The following MRPS18A variants were observed in gnomAD, a reference collection of about 807,000 sequenced individuals.
The protein encoded by MRPS18A is large ribosomal subunit protein mL66.
MRPS18A carries 20 observed loss-of-function variants against 22.7 expected under a neutral mutation model. The observed-to-expected ratio is 0.88, with a 90% CI of 0.62 to 1.28. The LOEUF is 1.28. Ranked by LOEUF, MRPS18A falls within the 50% of genes most tolerant of loss-of-function variation. The pLI, the probability that MRPS18A is intolerant of heterozygous loss-of-function variation, is 0.00. For missense variants in MRPS18A, 294 were observed against 262.6 expected (o/e 1.12, Z -0.83); for synonymous variants, 106 against 99.1 (o/e 1.07, Z -0.41).
chr6:43,675,225 C>CG lies in MRPS18A; in HGVS notation c.422dup (p.Lys142GlufsTer121). On this transcript the variant is annotated frameshift_variant, in exon 5 of 6. Coordinates refer to ENST00000372133, the MANE Select transcript of MRPS18A (RefSeq NM_018135.4). LOFTEE classifies it high-confidence loss of function. ...ACCGGTTGAGTTGGGGTTTGCTCTT[C>CG]GGAACAACTCCTTCAGGAAGCCGAG... 6.6e-7 allele frequency: 1 copy of CG among 1,521,590 alleles called. No homozygotes were observed. Among genetic ancestry groups the CG allele is most frequent in the Non-Finnish European group, 8.8e-7 (1 of 1,135,986 alleles). 94.3% of individuals were successfully genotyped at this position (1,521,590 alleles called of 1,614,324 possible).
chr6:43,676,787 C>T (rs772064958), intron 3 of MRPS18A, among the ~76,000 whole-genome samples: 3 of 152,228 alleles, frequency 2.0e-5, no homozygotes, highest in Admixed American at 6.5e-5. Flanking sequence ...CCCTGGCAGG[C>T]GCCTTGCTGC....
At chr6:43,685,158 T>C (rs923628841) in intron 1 of MRPS18A, among the ~76,000 whole-genome samples, 1 of 152,226 alleles carries the variant, frequency 6.6e-6, no homozygotes, top group African/African-American at 2.4e-5. Flanking sequence ...TGGAACGGCA[T>C]TTCCTCATTT....
chr6:43,684,716 T>C (rs1469617460), intron 1 of MRPS18A, among the ~76,000 whole-genome samples: 3 of 152,170 alleles, frequency 2.0e-5, no homozygotes. Flanking sequence ...AGGCATACCC[T>C]TGTCTGAAAC....
At position 43,687,743 on chromosome 6, in the gene MRPS18A, G is replaced by A. The variant is rs1338765700; in HGVS notation, c.37C>T (p.Arg13Trp). The A allele has an allele frequency of 1.9e-6, 3 of 1,585,734 alleles. No homozygotes were observed. The highest frequency in any genetic ancestry group is 1.3e-5 in the African/African-American group (1 of 74,658). Reference sequence around the variant, plus strand: ...CCCGCTAGTAGCCCACGGAGAAGCCGCCCACAGCCGGACACCAGAGCCTTG... The same window carrying A: ...CCCGCTAGTAGCCCACGGAGAAGCCACCCACAGCCGGACACCAGAGCCTTG... ...ALKALVSGCGRLLRGLLAGPA... is the reference protein window; with the variant it reads ...ALKALVSGCGWLLRGLLAGPA... The change falls in exon 1 of 6, where the codon CGG becomes TGG. Residue 13 changes from arginine to tryptophan, a missense_variant. By Grantham distance (101) the Arg-to-Trp change is moderately radical. Transcript: ENST00000372133.
chr6:43,685,467 C>G (rs1399331787), intron 1 of MRPS18A, among the ~76,000 whole-genome samples: 1 of 152,158 alleles, frequency 6.6e-6, no homozygotes, highest in Non-Finnish European at 1.5e-5. Context: ...CGCCTCTACC[C>G]CCCAGATGCC....
At chr6:43,678,705 G>A (rs1774210265) in intron 2 of MRPS18A, 80 bp from the exon 3 acceptor site, 1 of 1,009,640 alleles carries the variant, frequency 9.9e-7, no homozygotes, top group East Asian at 2.6e-5. Context: ...ACCCCAAAAT[G>A]ATGGTAATGC....
intron 2 of MRPS18A, among the ~76,000 whole-genome samples, chr6:43,680,790 T>A (rs1774356560): frequency 6.6e-6 from 1 of 152,202 alleles, no homozygotes; most frequent in Non-Finnish European, 1.5e-5. Context: ...TAGTTTCCCC[T>A]TTGGGAAAAT....
intron 1 of MRPS18A, among the ~76,000 whole-genome samples, chr6:43,687,432 A>C (rs1774772700): frequency 6.6e-6 from 1 of 152,208 alleles, no homozygotes; most frequent in Non-Finnish European, 1.5e-5. Flanking sequence ...GCTCCTGCTA[A>C]GTAAGCAGGC....
rs754419686 is a variant in MRPS18A, at chr6:43,687,753, G to A, written c.27C>T (p.Ser9=). The change falls in exon 1 of 6, where the codon TCC becomes TCT. Residue 9 remains serine, a synonymous_variant. Transcript: ENST00000372133. ...GCCCACGGAGAAGCCGCCCACAGCC[G>A]GACACCAGAGCCTTGAGGGCCGCCA... is the stretch of plus-strand genomic sequence containing the variant. MAALKALV[S]GCGRLLRGLL... is the part of the protein sequence containing the mutation. 1.3e-6 allele frequency: 2 copies of A among 1,583,048 alleles called. No homozygotes were observed. The highest frequency in any genetic ancestry group is 1.7e-6 in the Non-Finnish European group (2 of 1,164,518).
At chr6:43,675,936 C>T (rs1197119987) in intron 3 of MRPS18A, among the ~76,000 whole-genome samples, 2 of 151,958 alleles carry the variant, frequency 1.3e-5, no homozygotes, top group African/African-American at 4.8e-5. Context: ...TCACTGCAAT[C>T]TCTGCCTCCC....
chr6:43,686,995 G>A (rs1774741037), intron 1 of MRPS18A, among the ~76,000 whole-genome samples: 1 of 152,142 alleles, frequency 6.6e-6, no homozygotes, highest in African/African-American at 2.4e-5. Context: ...TAGAACCTAA[G>A]CTTTTCAGAA....
chr6:43,678,488 A>C, intron 3 of MRPS18A, 30 bp downstream of exon 3: 1 of 1,516,090 alleles, frequency 6.6e-7, no homozygotes, highest in Non-Finnish European at 9.2e-7. Flanking sequence ...CATGACACAC[A>C]GAACCGAGTG....
chr6:43,678,704 T>C, intron 2 of MRPS18A, 79 bp from the exon 3 acceptor site: 2 of 1,006,626 alleles, frequency 2.0e-6, no homozygotes, highest in Non-Finnish European at 3.1e-6. Context: ...AACCCCAAAA[T>C]GATGGTAATG....
In MRPS18A at chr6:43,687,765, C is replaced by G. The variant is rs1774805641; in HGVS notation, c.15G>C (p.Lys5Asn). MAAL[K>N]ALVSGCGRLL... ...GCCGCCCACAGCCGGACACCAGAGC[C>G]TTGAGGGCCGCCATCTTCAAAAACC... Residue 5 changes from lysine (K) to asparagine (N), a missense_variant, in exon 1 of 6, where the codon AAG (lysine) becomes AAC (asparagine). Transcript: ENST00000372133. 1 of 1,577,940 alleles carries G rather than the reference C, an allele frequency of 6.3e-7. No individual in the cohort carries two copies. The highest frequency in any genetic ancestry group is 1.2e-5 in the South Asian group (1 of 86,348).
At position 43,671,772 on chromosome 6, in the gene MRPS18A, A is replaced by T; in HGVS notation, c.581T>A (p.Leu194Gln). The change falls in exon 6 of 6, where the codon CTG (leucine) becomes CAG (glutamine). Residue 194 changes from leucine to glutamine, a missense_variant. Leu to Gln is a moderately radical substitution (Grantham distance 113). Coordinates refer to ENST00000372133, the MANE Select transcript of MRPS18A (RefSeq NM_018135.4). ...AAGCACTGCTCTCTGTCAGTGATAC[A>T]GCTTCCAAGGTGTTCTTGAGTAGCA... ...NVCYSRTPWK[L>Q]YH 4.3e-6 allele frequency: 7 copies of T among 1,614,226 alleles called. No homozygotes were observed. Among genetic ancestry groups the T allele is most frequent in the Non-Finnish European group, 5.9e-6 (7 of 1,180,034 alleles).
At position 43,671,533 on chromosome 6, in the gene MRPS18A, G is replaced by A; in HGVS notation, c.*229C>T. ...CACTGAGCATGGCCTAAGCCCCATA[G>A]CAGCTGGCAAGGGACCCAACTGCCC... On this transcript the variant is annotated 3_prime_UTR_variant, in exon 6 of 6. Coordinates refer to ENST00000372133, the MANE Select transcript of MRPS18A (RefSeq NM_018135.4). 3.4e-6 allele frequency: 2 copies of A among 582,922 alleles called. No individual in the cohort carries two copies. Among genetic ancestry groups the A allele is most frequent in the Non-Finnish European group, 6.1e-6 (2 of 328,154 alleles). The allele number at this position is 582,922 out of a possible 1,614,324, so 36.1% of individuals were successfully genotyped here.
At chr6:43,674,496 G>A (rs1773939382) in intron 5 of MRPS18A, among the ~76,000 whole-genome samples, 1 of 152,154 alleles carries the variant, frequency 6.6e-6, no homozygotes, top group South Asian at 2.1e-4. Flanking sequence ...CTCAACAAGG[G>A]GATACTAGAG....
intron 1 of MRPS18A, among the ~76,000 whole-genome samples, chr6:43,683,767 T>C (rs752877360): frequency 3.9e-5 from 6 of 152,224 alleles, no homozygotes; most frequent in Non-Finnish European, 5.9e-5. Context: ...TGGGCACTTA[T>C]GGACTATACA....
At chr6:43,678,973 C>T (rs1582410451) in intron 2 of MRPS18A, among the ~76,000 whole-genome samples, 1 of 152,130 alleles carries the variant, frequency 6.6e-6, no homozygotes, top group Non-Finnish European at 1.5e-5. Context: ...TATACTTTTT[C>T]CCCTCCTTGG....
Sources: gnomAD v4.1 joint callset for allele counts (sites outside exome capture counted in the v4.1 genomes callset) on GRCh38, gnomAD v4.1.1 for gene constraint, MANE v1.5 for transcripts, NCBI Gene and HGNC (gene_info 2026-07-23, HGNC 2026-07-21) for gene names.